Variants in NLRC5 observed in about 807,000 individuals in gnomAD.
NLRC5 encodes the protein protein NLRC5.
A neutral mutation model predicts 206.9 loss-of-function variants in NLRC5; 114 were observed. The ratio of observed to expected loss-of-function variants is 0.55; its 90% confidence interval spans 0.47 to 0.64. The LOEUF (loss-of-function observed/expected upper bound fraction) is 0.64, where lower values mean the gene tolerates loss of function less well. Among genes scored for constraint, NLRC5 ranks in the 30% least tolerant of loss-of-function variants. The pLI is 0.00. For synonymous variants in NLRC5, 952 were observed against 962.8 expected, an observed-to-expected ratio of 0.99 and a Z score of 0.21; for missense variants, 2,008 against 2,305.5, an observed-to-expected ratio of 0.87 and a Z score of 2.64.
chr16:57,034,305 G>T, intron 13 of NLRC5, 54 bp downstream of exon 13: 1 of 1,444,898 alleles, frequency 6.9e-7, no homozygotes, highest in Non-Finnish European at 9.7e-7. Context: ...GTTGGAGAGG[G>T]TGGGCAGGGC....
chr16:57,059,137 A>C (rs2066075373), intron 29 of NLRC5, 76 bp downstream of exon 29: 2 of 1,610,696 alleles, frequency 1.2e-6, no homozygotes, highest in East Asian at 4.5e-5. Context: ...GGGAGAAGCA[A>C]GGCACCCACA....
chr16:57,063,096 AC>A (rs1237767157), intron 32 of NLRC5, among the ~76,000 whole-genome samples: 3 of 144,662 alleles, frequency 2.1e-5, no homozygotes, highest in Non-Finnish European at 4.5e-5. Flanking sequence ...ACTGTGTCAG[AC>A]TTTCCTTCCT....
At chr16:57,071,352 G>A (rs2067725846) in intron 38 of NLRC5, among the ~76,000 whole-genome samples, 2 of 141,646 alleles carry the variant, frequency 1.4e-5, no homozygotes, top group South Asian at 4.8e-4. Flanking sequence ...AGTGGTGATG[G>A]TGGTTAATGG....
Position 57,025,597 on chromosome 16 carries a change from C to T in NLRC5, c.654C>T (p.Asn218=), listed in dbSNP as rs1295345772. ...CGGACCTCTTCAACACCAGGGTTAA[C>T]AAGGGCCCGAGGGTGACCGTGCTTT... ...SISDLFNTRV[N]KGPRVTVLLG... is the part of the protein sequence containing the mutation. Residue 218 remains asparagine, a synonymous_variant, in exon 6 of 49, where the codon AAC becomes AAT. Coordinates refer to ENST00000688547, the MANE Select transcript of NLRC5 (RefSeq NM_001384950.1). 2 of 1,614,184 alleles carry T rather than the reference C, an allele frequency of 1.2e-6. No homozygotes were observed. Among genetic ancestry groups the T allele is most frequent in the South Asian group, 1.1e-5 (1 of 91,084 alleles).
chr16:57,058,304 T>A (rs2065954986), intron 28 of NLRC5, 156 bp downstream of exon 28: 1 of 629,722 alleles, frequency 1.6e-6, no homozygotes, highest in African/African-American at 1.8e-5. Flanking sequence ...TTCACTCCCC[T>A]GGCCTTGGGT....
At chr16:57,012,636 G>C (rs887449343) in intron 1 of NLRC5, among the ~76,000 whole-genome samples, 1 of 152,156 alleles carries the variant, frequency 6.6e-6, no homozygotes, top group Admixed American at 6.5e-5. Context: ...TTTCTGATGA[G>C]AATCTAATGA....
Position 57,029,866 on chromosome 16 carries a change from C to T in NLRC5, c.2327+10C>T. 1.2e-6 allele frequency: 2 copies of T among 1,612,812 alleles called. No homozygotes were observed. The highest frequency in any genetic ancestry group is 1.7e-6 in the Non-Finnish European group (2 of 1,178,758). On this transcript the variant is annotated intron_variant, in intron 9 of 48. Coordinates refer to ENST00000688547, the MANE Select transcript of NLRC5 (RefSeq NM_001384950.1). ...GGCTCCGGAAGCTTGAGTAAGTGAT[C>T]TTTCCACTGCCTCTGCAGCCCAGTC...
intron 26 of NLRC5, 70 bp downstream of exon 26, chr16:57,055,164 GC>G: frequency 6.5e-7 from 1 of 1,534,228 alleles, no homozygotes; most frequent in Non-Finnish European, 9.0e-7. Flanking sequence ...CTCCTGGGTG[GC>G]CAGAGCAGTA....
chr16:57,076,920 C>G lies in NLRC5; in HGVS notation c.4835+18C>G, dbSNP rs1209045105. The G allele has an allele frequency of 6.2e-7, 1 of 1,609,716 alleles. No homozygotes were observed. The highest frequency in any genetic ancestry group is 1.3e-5 in the African/African-American group (1 of 74,834). On this transcript the variant is annotated intron_variant, in intron 40 of 48. Coordinates refer to ENST00000688547, the MANE Select transcript of NLRC5 (RefSeq NM_001384950.1). ...GAGCTGGAGTGAGTTGCCCATTCTGCCCCCAGACCCAGGACAATTTTGGCC... is the reference window on the plus strand; with the variant it reads ...GAGCTGGAGTGAGTTGCCCATTCTGGCCCCAGACCCAGGACAATTTTGGCC...
At chr16:57,031,510 CTT>C (rs2061885428) in intron 11 of NLRC5, 47 bp downstream of exon 11, 1 of 1,598,868 alleles carries the variant, frequency 6.3e-7, no homozygotes, top group Non-Finnish European at 8.6e-7. Context: ...TTAGAAGCAA[CTT>C]GGGCTCAGGC....
At chr16:57,079,196 C>A (rs747408372) in intron 44 of NLRC5, 25 bp from the exon 45 acceptor site, 1 of 1,614,008 alleles carries the variant, frequency 6.2e-7, no homozygotes, top group Non-Finnish European at 8.5e-7. Context: ...GGGTTCCTCT[C>A]ACAGGTATCT....
At chr16:57,055,164 G>A in intron 26 of NLRC5, 70 bp downstream of exon 26, 1 of 1,534,230 alleles carries the variant, frequency 6.5e-7, no homozygotes, top group Non-Finnish European at 9.0e-7. Flanking sequence ...CTCCTGGGTG[G>A]CCAGAGCAGT....
chr16:57,071,907 T>C (rs565040267), intron 38 of NLRC5, among the ~76,000 whole-genome samples: 1 of 152,046 alleles, frequency 6.6e-6, no homozygotes, highest in South Asian at 2.1e-4. Context: ...CCTTTGCATG[T>C]TTTGTGAACA....
At chr16:57,046,017 C>T (rs958007831) in intron 21 of NLRC5, among the ~76,000 whole-genome samples, 2 of 152,322 alleles carry the variant, frequency 1.3e-5, no homozygotes, top group East Asian at 3.9e-4. Flanking sequence ...GCAGTGGCAG[C>T]GGACAGGGTG....
chr16:57,016,910 G>A (rs1471045468), intron 1 of NLRC5, among the ~76,000 whole-genome samples, 164 bp from the exon 2 acceptor site: 2 of 152,184 alleles, frequency 1.3e-5, no homozygotes, highest in Admixed American at 6.5e-5. Context: ...AGCTGCAGTC[G>A]GGGAAGAACA....
At chr16:57,080,489 T>TC in intron 46 of NLRC5, among the ~76,000 whole-genome samples, 1 of 145,894 alleles carries the variant, frequency 6.9e-6, no homozygotes, top group Admixed American at 6.8e-5. Context: ...AGATTTTTTT[T>TC]TTTTTTTTTT....
intron 48 of NLRC5, 45 bp from the exon 49 acceptor site, chr16:57,082,372 G>T: frequency 6.9e-7 from 1 of 1,452,796 alleles, no homozygotes; most frequent in South Asian, 1.2e-5. Flanking sequence ...ACGACAGATG[G>T]CAAAGATGGG....
chr16:57,036,303 T>A, intron 14 of NLRC5, 120 bp downstream of exon 14: 1 of 872,850 alleles, frequency 1.1e-6, no homozygotes, highest in Non-Finnish European at 1.8e-6. Context: ...TCCTCCCAAC[T>A]CCAGCAAAGT....
rs759183987 is a variant in NLRC5 at position 57,040,763 on chromosome 16, C to T, written c.2939+45C>T. 15 of 1,577,004 alleles carry T rather than the reference C, an allele frequency of 9.5e-6. No homozygotes were observed. The Middle Eastern group carries it at 1.7e-3, about 181-fold the overall frequency. On this transcript the variant is annotated intron_variant, in intron 17 of 48. Transcript: ENST00000688547. Reference sequence around the variant, plus strand: ...CCCTGTGTGTGATTCCAGCCCCCTCCCTTCCCCTGCTCAGAGCCTGCTCCC... The same window carrying T: ...CCCTGTGTGTGATTCCAGCCCCCTCTCTTCCCCTGCTCAGAGCCTGCTCCC...
Sources: allele counts gnomAD v4.1 joint callset (sites outside exome capture counted in the v4.1 genomes callset), GRCh38; gene constraint gnomAD v4.1.1; transcripts MANE v1.5; gene names NCBI Gene and HGNC (gene_info 2026-07-23, HGNC 2026-07-21).